CTNNA3: variants seen among roughly 807,000 people sequenced by gnomAD.
CTNNA3 encodes the protein catenin alpha 3.
In CTNNA3, 76 loss-of-function variants were observed where a neutral mutation model predicts 95.7. The ratio of observed to expected loss-of-function variants is 0.79; its 90% confidence interval spans 0.66 to 0.96. The LOEUF is 0.96. Ranked by LOEUF, CTNNA3 falls within the 40% of genes least tolerant of loss-of-function variation. CTNNA3 has a pLI of 0.00. For missense variants in CTNNA3, 1,191 were observed against 1,089.8 expected (o/e 1.09, Z -1.31); for synonymous variants, 431 against 374.4 (o/e 1.15, Z -1.74).
At chr10:66,919,203 T>G (rs959826984) in intron 7 of CTNNA3, among the ~76,000 whole-genome samples, 3 of 143,686 alleles carry the variant, frequency 2.1e-5, no homozygotes, top group South Asian at 4.4e-4. Context: ...AAGAAAAAAA[T>G]ATTGCACTTA....
At chr10:67,702,443 A>G (rs1273512401) in intron 1 of CTNNA3, among the ~76,000 whole-genome samples, 1 of 152,238 alleles carries the variant, frequency 6.6e-6, no homozygotes, top group Non-Finnish European at 1.5e-5. Context: ...ACCACAGTGC[A>G]ATCAAACTAC....
intron 11 of CTNNA3, 68 bp from the exon 12 acceptor site, chr10:66,379,420 T>C: frequency 7.8e-7 from 1 of 1,276,854 alleles, no homozygotes; most frequent in Non-Finnish European, 1.1e-6. Flanking sequence ...ATCTAGCATA[T>C]TATAATTATG....
chr10:67,251,334 G>A (rs1415745679), intron 5 of CTNNA3, among the ~76,000 whole-genome samples: 1 of 152,138 alleles, frequency 6.6e-6, no homozygotes, highest in Non-Finnish European at 1.5e-5. Flanking sequence ...GTTGGGGGCA[G>A]GAGTGACTGC....
intron 12 of CTNNA3, among the ~76,000 whole-genome samples, chr10:66,310,153 C>T (rs1353698090): frequency 6.6e-6 from 1 of 151,368 alleles, no homozygotes; most frequent in East Asian, 1.9e-4. Context: ...AAATAATATT[C>T]TCAATGGCCT....
chr10:66,489,149 T>C (rs1265387972), intron 11 of CTNNA3, among the ~76,000 whole-genome samples: 1 of 152,178 alleles, frequency 6.6e-6, no homozygotes, highest in Admixed American at 6.5e-5. Context: ...CAGAACTGAC[T>C]GATATCTACT....
chr10:67,397,593 G>A (rs1225214097), intron 5 of CTNNA3, among the ~76,000 whole-genome samples: 1 of 152,244 alleles, frequency 6.6e-6, no homozygotes, highest in South Asian at 2.1e-4. Flanking sequence ...ATTCAAGCCT[G>A]CTGCAGAAAC....
chr10:67,029,510 A>G (rs1853591777), intron 7 of CTNNA3, among the ~76,000 whole-genome samples: 1 of 152,206 alleles, frequency 6.6e-6, no homozygotes, highest in South Asian at 2.1e-4. Flanking sequence ...TGAGTCAAGT[A>G]TACACAAACA....
At chr10:67,640,601 A>G (rs1839495294) in intron 2 of CTNNA3, among the ~76,000 whole-genome samples, 1 of 152,196 alleles carries the variant, frequency 6.6e-6, no homozygotes, top group Non-Finnish European at 1.5e-5. Context: ...CTGACTTCAA[A>G]CTATACTACA....
intron 7 of CTNNA3, among the ~76,000 whole-genome samples, chr10:66,862,096 C>T (rs1843957526): frequency 6.6e-6 from 1 of 152,090 alleles, no homozygotes; most frequent in African/African-American, 2.4e-5. Flanking sequence ...ATGCTGTAGT[C>T]CCAGCTGCTC....
chr10:66,565,470 T>C (rs746615657), intron 10 of CTNNA3, among the ~76,000 whole-genome samples: 2 of 152,116 alleles, frequency 1.3e-5, no homozygotes, highest in Non-Finnish European at 2.9e-5. Flanking sequence ...TTAGAAGTAA[T>C]ACGTGAGACG....
chr10:66,200,322 A>C (rs2087316932), intron 13 of CTNNA3, among the ~76,000 whole-genome samples: 1 of 152,062 alleles, frequency 6.6e-6, no homozygotes, highest in Non-Finnish European at 1.5e-5. Context: ...AAATGGCAGA[A>C]AGGCAAGAAT....
intron 5 of CTNNA3, among the ~76,000 whole-genome samples, chr10:67,307,388 C>T (rs1301497604): frequency 6.6e-6 from 1 of 152,170 alleles, no homozygotes; most frequent in East Asian, 1.9e-4. Flanking sequence ...TCGTCATATA[C>T]TGAGTTCCAA....
intron 14 of CTNNA3, among the ~76,000 whole-genome samples, chr10:66,096,402 T>C (rs2081386619): frequency 6.6e-6 from 1 of 152,162 alleles, no homozygotes; most frequent in Non-Finnish European, 1.5e-5. Flanking sequence ...TGCAGAACTA[T>C]CTCCAACATG....
At chr10:66,460,940 G>C (rs1416974292) in intron 11 of CTNNA3, among the ~76,000 whole-genome samples, 1 of 151,934 alleles carries the variant, frequency 6.6e-6, no homozygotes, top group Non-Finnish European at 1.5e-5. Context: ...TATTCTTGTA[G>C]ATTTTTTAAT....
At chr10:66,874,319 G>A (rs1844530141) in intron 7 of CTNNA3, among the ~76,000 whole-genome samples, 1 of 152,026 alleles carries the variant, frequency 6.6e-6, no homozygotes, top group Non-Finnish European at 1.5e-5. Context: ...TCACAGGGCT[G>A]CAAAAAGGAA....
intron 10 of CTNNA3, among the ~76,000 whole-genome samples, chr10:66,520,991 A>C (rs1486302470): frequency 6.6e-6 from 1 of 151,390 alleles, no homozygotes; most frequent in Admixed American, 6.6e-5. Flanking sequence ...AAAAAATGGA[A>C]TTTAAAAAAA....
chr10:66,858,180 C>G (rs1843757643), intron 7 of CTNNA3, among the ~76,000 whole-genome samples: 1 of 151,924 alleles, frequency 6.6e-6, no homozygotes, highest in South Asian at 2.1e-4. Context: ...TTGTCTTTAT[C>G]TCTGTTTATG....
At chr10:67,698,551 A>G (rs1841008095), upstream of CTNNA3, among the ~76,000 whole-genome samples, 2 of 152,204 alleles carry the variant, frequency 1.3e-5, no homozygotes, top group South Asian at 4.1e-4. Flanking sequence ...CTTCTTGTCA[A>G]TAAAATCCCT....
At chr10:66,698,669 A>G (rs1243533858) in intron 9 of CTNNA3, among the ~76,000 whole-genome samples, 1 of 152,192 alleles carries the variant, frequency 6.6e-6, no homozygotes, top group African/African-American at 2.4e-5. Flanking sequence ...TGACAAAATG[A>G]AATCCTGAAC....
Sources: allele counts gnomAD v4.1 joint callset (sites outside exome capture counted in the v4.1 genomes callset), GRCh38; gene constraint gnomAD v4.1.1; transcripts MANE v1.5; gene names NCBI Gene and HGNC (gene_info 2026-07-23, HGNC 2026-07-21).